The following DICER1 variants were observed in gnomAD, a reference collection of about 807,000 sequenced individuals.
DICER1 encodes the protein endoribonuclease Dicer.
In DICER1, 43 loss-of-function variants were observed where a neutral mutation model predicts 194.1. That is an observed-to-expected ratio of 0.22 (90% CI 0.17 to 0.29). The LOEUF is 0.29. DICER1 is among the 10% of genes least tolerant of loss of function. DICER1 has a pLI of 1.00. For missense variants in DICER1, 1,608 were observed against 2,317.0 expected (o/e 0.69, Z 6.28); for synonymous variants, 832 against 820.5 (o/e 1.01, Z -0.24).
rs768315203 is a variant in DICER1, at chr14:95,113,121, T to C, written c.2011A>G (p.Ile671Val). 9 of 1,613,818 alleles carry C rather than the reference T, an allele frequency of 5.6e-6. No homozygotes were observed. Among genetic ancestry groups the C allele is most frequent in the Non-Finnish European group, 4.2e-6 (5 of 1,179,800 alleles). Reference sequence around the variant, plus strand: ...ATGGAGGCTCGAAGAGGTGAGTTAATTGGCAGATAAAGAGTTGAATAAAAT... The same window carrying C: ...ATGGAGGCTCGAAGAGGTGAGTTAACTGGCAGATAAAGAGTTGAATAAAAT... ...GTFYSTLYLP[I>V]NSPLRASIVG... Residue 671 changes from isoleucine (I) to valine (V), a missense_variant, in exon 12 of 27, where the codon ATT (isoleucine) becomes GTT (valine). Physicochemically the swap from Ile to Val is conservative, Grantham distance 29 (BLOSUM62 3). Transcript: ENST00000343455.
chr14:95,110,029 G>A (rs537254107), intron 14 of DICER1, among the ~76,000 whole-genome samples: 1 of 152,260 alleles, frequency 6.6e-6, no homozygotes, highest in South Asian at 2.1e-4. Context: ...GTCTTCGGCA[G>A]GTTCTTAGAA....
At chr14:95,122,868 T>G (rs1419223783) in intron 8 of DICER1, among the ~76,000 whole-genome samples, 1 of 152,096 alleles carries the variant, frequency 6.6e-6, no homozygotes, top group Non-Finnish European at 1.5e-5. Context: ...AATTTCTCGT[T>G]ACTCAAAAAA....
At chr14:95,093,513 T>C (rs1463650069) in intron 24 of DICER1, among the ~76,000 whole-genome samples, 1 of 152,206 alleles carries the variant, frequency 6.6e-6, no homozygotes, top group African/African-American at 2.4e-5. Flanking sequence ...TTCTGATCCA[T>C]TTAAAAAAGG....
chr14:95,100,921 C>T (rs1360155937), intron 21 of DICER1, among the ~76,000 whole-genome samples: 4 of 152,156 alleles, frequency 2.6e-5, no homozygotes, highest in African/African-American at 7.2e-5. Context: ...AAAGTACTCT[C>T]CCTCTCTGCC....
At chr14:95,130,994 T>C (rs1475588278) in intron 4 of DICER1, among the ~76,000 whole-genome samples, 1 of 152,240 alleles carries the variant, frequency 6.6e-6, no homozygotes, top group Non-Finnish European at 1.5e-5. Context: ...ATTTCTTTTC[T>C]ACAAAGTTAA....
At chr14:95,148,653 C>G (rs1284076925) in intron 1 of DICER1, among the ~76,000 whole-genome samples, 1 of 152,160 alleles carries the variant, frequency 6.6e-6, no homozygotes, top group Non-Finnish European at 1.5e-5. Flanking sequence ...GAACACAGGT[C>G]AAATACCATC....
rs765396989 is a variant in DICER1, at chr14:95,096,211, T to C, written c.4709A>G (p.Tyr1570Cys). ...AGCCCTCTCCCCACAGCTGGTTAAA[T>C]AGCAGCCCAGCAGGGCTTCCACACA... is the stretch of plus-strand genomic sequence containing the variant. The part of the protein sequence containing the change: ...ADCVEALLGC[Y>C]LTSCGERAAQ... The change falls in exon 23 of 27, where the codon TAT becomes TGT. Residue 1570 changes from tyrosine to cysteine, a missense_variant. By Grantham distance (194) the Tyr-to-Cys change is radical. Transcript: ENST00000343455. 7 of 1,614,222 alleles carry C rather than the reference T, an allele frequency of 4.3e-6. No homozygotes were observed. The highest frequency in any genetic ancestry group is 1.7e-5 in the Admixed American group (1 of 60,034).
chr14:95,110,541 C>T (rs1354063488), intron 14 of DICER1, among the ~76,000 whole-genome samples: 4 of 152,026 alleles, frequency 2.6e-5, no homozygotes, highest in East Asian at 1.9e-4. Flanking sequence ...TCCTTGTCAA[C>T]GTTCTAATGA....
chr14:95,133,253 C>T (rs988389292), intron 2 of DICER1, 62 bp downstream of exon 2: 2 of 1,569,288 alleles, frequency 1.3e-6, no homozygotes, highest in Non-Finnish European at 1.8e-6. Context: ...GTTGTGTCAA[C>T]TATATGCTAA....
intron 1 of DICER1, among the ~76,000 whole-genome samples, chr14:95,155,342 C>T (rs1429565588): frequency 6.6e-6 from 1 of 152,192 alleles, no homozygotes; most frequent in Non-Finnish European, 1.5e-5. Context: ...TCTACTTTCT[C>T]AAATGAAACA....
At chr14:95,147,810 A>G (rs747664898) in intron 1 of DICER1, among the ~76,000 whole-genome samples, 16 of 152,176 alleles carry the variant, frequency 1.1e-4, no homozygotes, top group Non-Finnish European at 1.3e-4. Context: ...CAATCAGTTA[A>G]CTGGGGTTCC....
chr14:95,153,103 GCT>G (rs1376973294), intron 1 of DICER1, among the ~76,000 whole-genome samples: 1 of 152,064 alleles, frequency 6.6e-6, no homozygotes, highest in East Asian at 1.9e-4. Context: ...TGTAGTCCCA[GCT>G]ACTCGGGAGG....
intron 1 of DICER1, among the ~76,000 whole-genome samples, chr14:95,155,159 T>C (rs140894248): frequency 6.2e-4 from 94 of 152,302 alleles, no homozygotes; most frequent in African/African-American, 2.0e-3. Context: ...AATATCGAGT[T>C]GATCGCAGGG....
intron 1 of DICER1, among the ~76,000 whole-genome samples, chr14:95,145,859 C>T (rs557821452): frequency 1.3e-4 from 19 of 151,912 alleles, no homozygotes; most frequent in African/African-American, 3.6e-4. Context: ...AATTAAAATT[C>T]GCTGCACATT....
At chr14:95,146,913 T>A (rs548646865) in intron 1 of DICER1, among the ~76,000 whole-genome samples, 1 of 149,658 alleles carries the variant, frequency 6.7e-6, no homozygotes, top group African/African-American at 2.5e-5. Context: ...AGGGAGGGAG[T>A]GAGGAAGGCT....
intron 21 of DICER1, among the ~76,000 whole-genome samples, chr14:95,101,324 G>A (rs1258563590): frequency 6.6e-6 from 1 of 152,094 alleles, no homozygotes; most frequent in Non-Finnish European, 1.5e-5. Flanking sequence ...AGGAGTAGAA[G>A]GTTTCTGAGC....
In DICER1 at chr14:95,088,102, C is replaced by T. The variant is rs567592628; in HGVS notation, c.*2396G>A. On this transcript the variant is annotated 3_prime_UTR_variant, in exon 27 of 27. Coordinates refer to ENST00000343455, the MANE Select transcript of DICER1 (RefSeq NM_177438.3). ...TCACAGAATGCTTCAAACTGTGAGT[C>T]AAATTAAAATCTACTATTTTTCTCC... 5 of 232,142 alleles carry T rather than the reference C, an allele frequency of 2.2e-5. No homozygotes were observed. Among genetic ancestry groups the T allele is most frequent in the African/African-American group, 6.7e-5 (3 of 44,882 alleles). 14.4% of individuals were successfully genotyped at this position (232,142 alleles called of 1,614,324 possible). A position where few individuals can be genotyped will look rare whatever the true frequency, so the allele number is the denominator to read the frequency against.
intron 1 of DICER1, among the ~76,000 whole-genome samples, chr14:95,136,312 T>C (rs1330454686): frequency 1.3e-5 from 2 of 152,200 alleles, no homozygotes; most frequent in Admixed American, 6.5e-5. Flanking sequence ...CCACAGGTAA[T>C]AGCCATGCTC....
At position 95,148,359 on chromosome 14, in the gene DICER1, C is replaced by G. The variant is rs192960538; in HGVS notation, c.-46+8871G>C. ...CCATTTTGAAGCTACCAGGAGCTAC[C>G]GGCCACCAGTCGATCATTAGCATAC... On this transcript the variant is annotated intron_variant, in intron 1 of 26. Transcript: ENST00000343455. 2.0e-5 allele frequency among the ~76,000 whole-genome samples: 3 copies of G among 152,258 alleles called. No homozygotes were observed. In the South Asian group the frequency reaches 6.2e-4, roughly 32 times the overall value.
Sources: gnomAD v4.1 joint callset for allele counts (sites outside exome capture counted in the v4.1 genomes callset) on GRCh38, gnomAD v4.1.1 for gene constraint, MANE v1.5 for transcripts, NCBI Gene and HGNC (gene_info 2026-07-23, HGNC 2026-07-21) for gene names.